The following DNAAF9 variants were observed in gnomAD, a reference collection of about 807,000 sequenced individuals.
DNAAF9 encodes dynein axonemal assembly factor 9.
A neutral mutation model predicts 167.0 loss-of-function variants in DNAAF9; 90 were observed. The ratio of observed to expected loss-of-function variants is 0.54; its 90% confidence interval spans 0.45 to 0.64. The LOEUF is 0.64. Among genes scored for constraint, DNAAF9 ranks in the 30% least tolerant of loss-of-function variants. The probability of loss-of-function intolerance (pLI) is 0.00; values close to 1 mark genes in which losing one functional copy is unlikely to be tolerated. For missense variants in DNAAF9, 1,315 were observed against 1,442.2 expected (o/e 0.91, Z 1.43); for synonymous variants, 491 against 508.8 (o/e 0.96, Z 0.47).
Position 3,341,783 on chromosome 20 carries a change from T to C in DNAAF9, c.846-1144A>G, listed in dbSNP as rs75198605. Among the ~76,000 whole-genome samples, 118 of 152,242 alleles carry C rather than the reference T, an allele frequency of 7.8e-4. 1 individual carries two copies. In the East Asian group the frequency reaches 0.016, roughly 20 times the overall value. ...TACATTGCAGTGATGATAATATATA[T>C]ACATATTTTTTTGAGACGGAGTCTT... On this transcript the variant is annotated intron_variant, in intron 9 of 36. Transcript: ENST00000252032.
chr20:3,331,143 C>G (rs1020858041), intron 11 of DNAAF9, among the ~76,000 whole-genome samples: 2 of 152,144 alleles, frequency 1.3e-5, no homozygotes, highest in Non-Finnish European at 2.9e-5. Flanking sequence ...CAGTGGAACC[C>G]GGCCATTCCC....
rs756186470 is a variant in DNAAF9, at chr20:3,324,983, GA to G, written c.1189-16del. On this transcript the variant is annotated splice_polypyrimidine_tract_variant and intron_variant, in intron 13 of 36. Transcript: ENST00000252032. ...ACCTCCTTGGCCTGTAAAATAATAA[GA>G]CAGCGACAATTAGCTTTCACAGCAG... The G allele has an allele frequency of 4.7e-6, 7 of 1,486,624 alleles. No individual in the cohort carries two copies. Among genetic ancestry groups the G allele is most frequent in the Admixed American group, 1.7e-5 (1 of 59,854 alleles). 92.1% of individuals were successfully genotyped at this position (1,486,624 alleles called of 1,614,324 possible).
intron 10 of DNAAF9, among the ~76,000 whole-genome samples, chr20:3,337,382 G>A (rs1276669251): frequency 6.7e-6 from 1 of 149,704 alleles, no homozygotes; most frequent in Non-Finnish European, 1.5e-5. Context: ...TCCTGCCTCA[G>A]CCTCCCAAGC....
chr20:3,382,600 G>T, intron 1 of DNAAF9, 94 bp from the exon 2 acceptor site: 2 of 934,612 alleles, frequency 2.1e-6, no homozygotes, highest in Non-Finnish European at 3.5e-6. Context: ...ATGAGGAAGA[G>T]GAATGACTTT....
intron 30 of DNAAF9, among the ~76,000 whole-genome samples, chr20:3,269,043 A>G (rs1332443305): frequency 1.3e-5 from 2 of 150,908 alleles, no homozygotes; most frequent in African/African-American, 4.9e-5. Flanking sequence ...AGCTGGGGCT[A>G]CAGGTGCCTG....
chr20:3,378,379 G>C (rs1440935065), intron 3 of DNAAF9, among the ~76,000 whole-genome samples: 1 of 152,214 alleles, frequency 6.6e-6, no homozygotes, highest in Non-Finnish European at 1.5e-5. Context: ...TGGGAGGAAG[G>C]AAGTAGAGGC....
chr20:3,293,776 T>C (rs2122931235), intron 25 of DNAAF9, among the ~76,000 whole-genome samples: 1 of 152,012 alleles, frequency 6.6e-6, no homozygotes, highest in East Asian at 1.9e-4. Context: ...TGCCCTTCCC[T>C]GTATTAAGTG....
At chr20:3,275,633 A>G (rs1462003928) in intron 29 of DNAAF9, among the ~76,000 whole-genome samples, 1 of 152,242 alleles carries the variant, frequency 6.6e-6, no homozygotes, top group Non-Finnish European at 1.5e-5. Context: ...GCCACCTGCC[A>G]AGAGGAAATG....
chr20:3,335,161 T>C (rs1345603993), intron 10 of DNAAF9, among the ~76,000 whole-genome samples: 1 of 152,216 alleles, frequency 6.6e-6, no homozygotes, highest in Admixed American at 6.5e-5. Flanking sequence ...AATTCTGTGG[T>C]ACACTGCCTT....
chr20:3,377,733 T>A (rs897524558), intron 3 of DNAAF9, among the ~76,000 whole-genome samples: 6 of 152,122 alleles, frequency 3.9e-5, no homozygotes, highest in Non-Finnish European at 8.8e-5. Context: ...GCTAGGATTA[T>A]AGGTGTGAGC....
intron 23 of DNAAF9, chr20:3,296,007 C>T (rs928056029): frequency 1.0e-5 from 14 of 1,383,250 alleles, no homozygotes; most frequent in Admixed American, 5.1e-5. Context: ...TTGTACACAT[C>T]GGGAACTTCG....
chr20:3,299,452 A>T (rs1217916325), intron 21 of DNAAF9, among the ~76,000 whole-genome samples: 1 of 151,950 alleles, frequency 6.6e-6, no homozygotes, highest in African/African-American at 2.4e-5. Flanking sequence ...CTGGGATTAC[A>T]GGCATCCACC....
chr20:3,284,381 C>T (rs1163741812), intron 27 of DNAAF9, among the ~76,000 whole-genome samples: 1 of 151,940 alleles, frequency 6.6e-6, no homozygotes, highest in Non-Finnish European at 1.5e-5. Flanking sequence ...AGGGTTTCCT[C>T]ATGTTGCTCA....
intron 1 of DNAAF9, among the ~76,000 whole-genome samples, chr20:3,390,793 G>A (rs1438754177): frequency 6.6e-6 from 1 of 152,140 alleles, no homozygotes; most frequent in African/African-American, 2.4e-5. Context: ...AACTTTTTCT[G>A]GGCAATGAAG....
At chr20:3,305,967 A>G (rs868550019) in intron 20 of DNAAF9, among the ~76,000 whole-genome samples, 1 of 151,976 alleles carries the variant, frequency 6.6e-6, no homozygotes, top group African/African-American at 2.4e-5. Context: ...TCCTGTACCA[A>G]CCCTAAAGTT....
At chr20:3,388,548 G>A (rs1568644317) in intron 1 of DNAAF9, among the ~76,000 whole-genome samples, 2 of 152,162 alleles carry the variant, frequency 1.3e-5, no homozygotes, top group Non-Finnish European at 2.9e-5. Context: ...CAGCCAAAAG[G>A]TGGAAGCAAC....
chr20:3,308,814 T>TA (rs778450449), intron 20 of DNAAF9, among the ~76,000 whole-genome samples: 144 of 137,884 alleles, frequency 1.0e-3, no homozygotes, highest in Middle Eastern at 3.7e-3. Context: ...CCATCTCTAC[T>TA]AAAAAAAAAA....
intron 21 of DNAAF9, among the ~76,000 whole-genome samples, chr20:3,299,443 T>C (rs560126640): frequency 6.6e-6 from 1 of 152,204 alleles, no homozygotes; most frequent in East Asian, 1.9e-4. Flanking sequence ...CCCGACTAGC[T>C]GGGATTACAG....
In DNAAF9 at chr20:3,250,331, G is replaced by A. The variant is rs2068178394; in HGVS notation, c.*2241C>T. On this transcript the variant is annotated 3_prime_UTR_variant, in exon 37 of 37. Coordinates refer to ENST00000252032, the MANE Select transcript of DNAAF9 (RefSeq NM_001009984.3). ...ATCCCCTGGCCTCAGTCCTCAAAGA[G>A]CTCACAGTGCACCGCGGGTGTGCCT... The A allele has an allele frequency of 1.3e-5, 2 of 152,250 alleles. No homozygotes were observed. Among genetic ancestry groups the A allele is most frequent in the Admixed American group, 1.3e-4 (2 of 15,270 alleles). The allele number at this position is 152,250 out of a possible 1,614,324, so 9.4% of individuals were successfully genotyped here. A position where few individuals can be genotyped will look rare whatever the true frequency, so the allele number is the denominator to read the frequency against.
Sources: gnomAD v4.1 joint callset for allele counts (sites outside exome capture counted in the v4.1 genomes callset) on GRCh38, gnomAD v4.1.1 for gene constraint, MANE v1.5 for transcripts, NCBI Gene and HGNC (gene_info 2026-07-23, HGNC 2026-07-21) for gene names.